Variants in WDR17 observed in about 807,000 individuals in gnomAD.
WDR17 encodes WD repeat domain 17.
Under a neutral mutation model 161.7 loss-of-function variants are expected in WDR17, and 143 were observed. The observed-to-expected ratio is 0.88, with a 90% CI of 0.77 to 1.02. WDR17 has a LOEUF of 1.02. WDR17 is among the 50% of genes least tolerant of loss of function. The probability of loss-of-function intolerance (pLI) is 0.00; values close to 1 mark genes in which losing one functional copy is unlikely to be tolerated. For synonymous variants in WDR17, 517 were observed against 515.6 expected, an observed-to-expected ratio of 1.00 and a Z score of -0.04; for missense variants, 1,469 against 1,520.9, an observed-to-expected ratio of 0.97 and a Z score of 0.57.
rs1416999030 is a variant in WDR17, at chr4:176,180,276, A to AAT, written c.*706_*707dup. 4 of 152,112 alleles carry AAT rather than the reference A, an allele frequency of 2.6e-5. No homozygotes were observed. Among genetic ancestry groups the AAT allele is most frequent in the South Asian group, 2.1e-4 (1 of 4,828 alleles). The allele number at this position is 152,112 out of a possible 1,614,324, so 9.4% of individuals were successfully genotyped here. ...GGGTAAAAATCACAAAATGCAGTCGAATATATATATGAAAACTTGCATTAG... is the reference window on the plus strand; with the variant it reads ...GGGTAAAAATCACAAAATGCAGTCGAATATATATATATGAAAACTTGCATTAG... On this transcript the variant is annotated 3_prime_UTR_variant, in exon 29 of 29. Transcript: ENST00000508596.
At chr4:176,101,261 A>G (rs1171059192) in intron 1 of WDR17, among the ~76,000 whole-genome samples, 2 of 152,114 alleles carry the variant, frequency 1.3e-5, no homozygotes, top group Admixed American at 1.3e-4. Flanking sequence ...GGGGGTACTG[A>G]GAAGCACTGG....
chr4:176,122,044 A>G (rs1446840692), intron 4 of WDR17, among the ~76,000 whole-genome samples: 1 of 152,160 alleles, frequency 6.6e-6, no homozygotes, highest in African/African-American at 2.4e-5. Context: ...AACAGCATAA[A>G]TTTTATTATC....
intron 13 of WDR17, 30 bp downstream of exon 13, chr4:176,148,365 T>C: frequency 1.3e-6 from 2 of 1,585,888 alleles, no homozygotes; most frequent in Non-Finnish European, 1.7e-6. Context: ...TTCATGTATT[T>C]GTTATATTGA....
intron 1 of WDR17, among the ~76,000 whole-genome samples, chr4:176,105,005 G>A (rs746143719): frequency 6.6e-6 from 1 of 151,420 alleles, no homozygotes; most frequent in African/African-American, 2.4e-5. Context: ...GAGATCCAAA[G>A]ACACAAATAG....
intron 1 of WDR17, among the ~76,000 whole-genome samples, chr4:176,072,826 A>G (rs940206471): frequency 1.3e-5 from 2 of 152,226 alleles, no homozygotes; most frequent in Non-Finnish European, 2.9e-5. Context: ...AAATTACACA[A>G]TTCAGAAGAG....
Position 176,163,145 on chromosome 4 carries a change from T to C in WDR17, c.2851-9T>C, listed in dbSNP as rs1000923867. On this transcript the variant is annotated splice_polypyrimidine_tract_variant and intron_variant, in intron 21 of 28. Coordinates refer to ENST00000508596, the MANE Select transcript of WDR17 (RefSeq NM_181265.4). ...TGCAACTGAAGAAATTATTTTCTTA[T>C]TGAGCAAGCTTGCTATGGCATACCT... 6.2e-7 allele frequency: 1 copy of C among 1,614,052 alleles called. No homozygotes were observed. Among genetic ancestry groups the C allele is most frequent in the East Asian group, 2.2e-5 (1 of 44,870 alleles).
At chr4:176,117,769 T>A (rs893625996) in intron 3 of WDR17, among the ~76,000 whole-genome samples, 10 of 152,160 alleles carry the variant, frequency 6.6e-5, no homozygotes, top group South Asian at 2.1e-4. Flanking sequence ...TTTTCAGCTA[T>A]CAATATCTCC....
intron 2 of WDR17, among the ~76,000 whole-genome samples, chr4:176,112,985 C>T (rs1342152577): frequency 6.6e-6 from 1 of 151,964 alleles, no homozygotes; most frequent in Non-Finnish European, 1.5e-5. Context: ...TAAAACAATC[C>T]ATTTTCCACG....
chr4:176,097,283 T>C (rs1479998293), intron 1 of WDR17, among the ~76,000 whole-genome samples: 2 of 152,004 alleles, frequency 1.3e-5, no homozygotes, highest in Non-Finnish European at 2.9e-5. Context: ...ATTTTATTAA[T>C]TAGTGGGACA....
chr4:176,146,547 C>T (rs1746202109), intron 12 of WDR17, among the ~76,000 whole-genome samples: 1 of 152,154 alleles, frequency 6.6e-6, no homozygotes, highest in Non-Finnish European at 1.5e-5. Flanking sequence ...TGCTGCGCTG[C>T]AGCCTGGAGA....
chr4:176,114,979 G>T (rs1214824557), intron 2 of WDR17, among the ~76,000 whole-genome samples: 1 of 151,898 alleles, frequency 6.6e-6, no homozygotes, highest in African/African-American at 2.4e-5. Flanking sequence ...AATTACTTTG[G>T]CAAGATAGCA....
At chr4:176,177,682 T>A in intron 28 of WDR17, 28 bp downstream of exon 28, 1 of 1,547,334 alleles carries the variant, frequency 6.5e-7, no homozygotes, top group Non-Finnish European at 8.7e-7. Context: ...ACATAACATG[T>A]GTATTTCACC....
At position 176,142,088 on chromosome 4, in the gene WDR17, T is replaced by C. The variant is rs1745368458; in HGVS notation, c.1529+19T>C. 1.3e-6 allele frequency: 2 copies of C among 1,590,046 alleles called. No homozygotes were observed. Among genetic ancestry groups the C allele is most frequent in the African/African-American group, 1.4e-5 (1 of 73,950 alleles). ...ACAATAAGTAAGTGGTTTTTTTTCC[T>C]GAAATAAATAATAACTACATTTTGG... On this transcript the variant is annotated intron_variant, in intron 11 of 28. Coordinates refer to ENST00000508596, the MANE Select transcript of WDR17 (RefSeq NM_181265.4).
intron 1 of WDR17, among the ~76,000 whole-genome samples, chr4:176,109,878 G>T (rs957389705): frequency 1.3e-5 from 2 of 152,112 alleles, no homozygotes; most frequent in African/African-American, 4.8e-5. Flanking sequence ...ATTATGCAAA[G>T]CTTTTGAGCA....
Position 176,179,573 on chromosome 4 carries a change from A to G in WDR17, c.3846A>G (p.Pro1282=). 1 of 1,550,042 alleles carries G rather than the reference A, an allele frequency of 6.5e-7. No homozygotes were observed. Among genetic ancestry groups the G allele is most frequent in the Non-Finnish European group, 8.7e-7 (1 of 1,148,914 alleles). ...TAGGGACTGGAATACGACTCAATCC[A>G]TTCTGATAGAAGATTTTTGTCCATG... ...SPLGTGIRLN[P]F Residue 1282 remains proline (P), a synonymous_variant, in exon 29 of 29, where the codon CCA becomes CCG. Coordinates refer to ENST00000508596, the MANE Select transcript of WDR17 (RefSeq NM_181265.4).
chr4:176,119,927 A>G lies in WDR17; in HGVS notation c.368A>G (p.His123Arg). ...GAGGATGTGGTGGCATTTGTTTCCC[A>G]CAGAGGCCCACTGTTCATTTGGACC... Reference protein sequence around the residue: ...NAEDVVAFVSHRGPLFIWTIS... With the variant: ...NAEDVVAFVSRRGPLFIWTIS... Residue 123 changes from histidine to arginine, a missense_variant, in exon 4 of 29, where the codon CAC becomes CGC. Physicochemically the swap from His to Arg is conservative, Grantham distance 29 (BLOSUM62 0). Coordinates refer to ENST00000508596, the MANE Select transcript of WDR17 (RefSeq NM_181265.4). 2 of 1,614,062 alleles carry G rather than the reference A, an allele frequency of 1.2e-6. No individual in the cohort carries two copies. Among genetic ancestry groups the G allele is most frequent in the East Asian group, 2.2e-5 (1 of 44,862 alleles).
At chr4:176,132,389 T>G (rs1743609738) in intron 7 of WDR17, among the ~76,000 whole-genome samples, 1 of 152,086 alleles carries the variant, frequency 6.6e-6, no homozygotes, top group African/African-American at 2.4e-5. Flanking sequence ...CAATCCTCTT[T>G]AATTTTCCCT....
At position 176,115,731 on chromosome 4, in the gene WDR17, A is replaced by T. The variant is rs191467445; in HGVS notation, c.124-65A>T. The T allele has an allele frequency of 1.3e-3, 1,661 of 1,261,192 alleles. 2 individuals carry two copies. Among genetic ancestry groups the T allele is most frequent in the Middle Eastern group, 8.9e-3 (31 of 3,496 alleles). The allele number at this position is 1,261,192 out of a possible 1,614,324, so 78.1% of individuals were successfully genotyped here. ...TGTAGCTTTAGTTTTGTGTAATGTG[A>T]ATATTAACAGTGTATTATCTTAAAA... On this transcript the variant is annotated intron_variant, in intron 2 of 28. Coordinates refer to ENST00000508596, the MANE Select transcript of WDR17 (RefSeq NM_181265.4).
chr4:176,135,981 A>G (rs539752874), intron 8 of WDR17, among the ~76,000 whole-genome samples: 1 of 151,724 alleles, frequency 6.6e-6, no homozygotes, highest in East Asian at 1.9e-4. Context: ...CTTCATACAC[A>G]GGGATTCTTA....
Sources: allele counts gnomAD v4.1 joint callset (sites outside exome capture counted in the v4.1 genomes callset), GRCh38; gene constraint gnomAD v4.1.1; transcripts MANE v1.5; gene names NCBI Gene and HGNC (gene_info 2026-07-23, HGNC 2026-07-21).